The following TANC1 variants were observed in gnomAD, a reference collection of about 807,000 sequenced individuals.
TANC1 encodes tetratricopeptide repeat, ankyrin repeat and coiled-coil containing 1, also known as protein TANC1.
In TANC1, 77 loss-of-function variants were observed where a neutral mutation model predicts 149.7. That is an observed-to-expected ratio of 0.51 (90% confidence interval 0.43 to 0.62). The LOEUF (loss-of-function observed/expected upper bound fraction) is 0.62. TANC1 is among the 20% of genes least tolerant of loss of function. The pLI is 0.00. For missense variants in TANC1, 1,985 were observed against 2,321.8 expected (o/e 0.85, Z 2.98); for synonymous variants, 854 against 925.0 (o/e 0.92, Z 1.39).
chr2:159,125,559 C>T (rs889333359), intron 4 of TANC1, among the ~76,000 whole-genome samples: 1 of 147,936 alleles, frequency 6.8e-6, no homozygotes, highest in African/African-American at 2.5e-5. Flanking sequence ...GGACTGAGGT[C>T]CCCATTCCTT....
chr2:159,049,511 C>T lies in TANC1; in HGVS notation c.-15-16385C>T, dbSNP rs558734547. On this transcript the variant is annotated intron_variant, in intron 2 of 26. Coordinates refer to ENST00000263635, the MANE Select transcript of TANC1 (RefSeq NM_033394.3). ...TAGCTGTACCCCAGACCTAAAGAACCGTCCAGGGTGGGGTCCAGCAGCCTG... is the reference window on the plus strand; with the variant it reads ...TAGCTGTACCCCAGACCTAAAGAACTGTCCAGGGTGGGGTCCAGCAGCCTG... Among the ~76,000 whole-genome samples, 12 of 152,264 alleles carry T rather than the reference C, an allele frequency of 7.9e-5. 1 individual carries two copies. The highest frequency in any genetic ancestry group is 6.8e-3 in the Middle Eastern group (2 of 294).
intron 3 of TANC1, among the ~76,000 whole-genome samples, chr2:159,086,191 T>C (rs2044829893): frequency 6.6e-6 from 1 of 151,764 alleles, no homozygotes. Flanking sequence ...TTCTCTGTTA[T>C]TATAAATTAA....
chr2:158,981,488 C>A (rs1296336982), intron 1 of TANC1, among the ~76,000 whole-genome samples: 1 of 75,678 alleles, frequency 1.3e-5, no homozygotes, highest in Admixed American at 1.6e-4. Context: ...TAATATATAG[C>A]TTTTATATAT....
chr2:158,968,933 C>T (rs2032373509), intron 1 of TANC1, among the ~76,000 whole-genome samples, 151 bp downstream of exon 1: 1 of 152,102 alleles, frequency 6.6e-6, no homozygotes, highest in Admixed American at 6.5e-5. Context: ...AGCGCCCCCT[C>T]CTCCGCCGGG....
intron 7 of TANC1, among the ~76,000 whole-genome samples, chr2:159,156,248 A>G (rs2053421233): frequency 6.6e-6 from 1 of 152,240 alleles, no homozygotes; most frequent in Non-Finnish European, 1.5e-5. Context: ...CGTTGCCTGC[A>G]ATTTTTAAAA....
At chr2:158,999,281 A>G (rs1158659101) in intron 1 of TANC1, among the ~76,000 whole-genome samples, 1 of 152,168 alleles carries the variant, frequency 6.6e-6, no homozygotes, top group Non-Finnish European at 1.5e-5. Context: ...TATAAATTAA[A>G]TAGTCCTAAA....
chr2:159,128,054 G>A (rs968835244), intron 4 of TANC1, among the ~76,000 whole-genome samples: 1 of 152,192 alleles, frequency 6.6e-6, no homozygotes, highest in African/African-American at 2.4e-5. Flanking sequence ...AGTGGTGTTA[G>A]GTGACTTTTG....
At chr2:159,119,139 A>C (rs1390131596) in intron 4 of TANC1, among the ~76,000 whole-genome samples, 1 of 152,208 alleles carries the variant, frequency 6.6e-6, no homozygotes, top group African/African-American at 2.4e-5. Context: ...CAGTTATTTT[A>C]ATATTCATTC....
At chr2:159,142,797 C>T (rs1488660154) in intron 5 of TANC1, among the ~76,000 whole-genome samples, 1 of 151,022 alleles carries the variant, frequency 6.6e-6, no homozygotes, top group East Asian at 1.9e-4. Flanking sequence ...GGCACGATGG[C>T]TGACACCTGT....
intron 4 of TANC1, among the ~76,000 whole-genome samples, chr2:159,122,674 G>T (rs2048976477): frequency 1.3e-5 from 2 of 151,942 alleles, no homozygotes; most frequent in Admixed American, 1.3e-4. Flanking sequence ...TTAGAATTGT[G>T]TATAACCTTT....
chr2:158,977,389 T>C (rs1163037709), intron 1 of TANC1, among the ~76,000 whole-genome samples: 1 of 151,992 alleles, frequency 6.6e-6, no homozygotes, highest in Non-Finnish European at 1.5e-5. Flanking sequence ...CAGCTCACCA[T>C]AGCCTCTGCC....
chr2:159,227,887 C>T lies in TANC1; in HGVS notation c.3972C>T (p.Phe1324=). 1.9e-6 allele frequency: 3 copies of T among 1,614,094 alleles called. No homozygotes were observed. The highest frequency in any genetic ancestry group is 2.5e-6 in the Non-Finnish European group (3 of 1,179,966). ...TAAGAAAGTTTCCTCGAGAAGGATT[C>T]GGAGAGGACATGAGACCCTTCAATG... ...YALRKFPREG[F]GEDMRPFNEL... is the part of the protein sequence containing the mutation. Residue 1324 remains phenylalanine (F), a synonymous_variant, in exon 25 of 27, where the codon TTC becomes TTT. Transcript: ENST00000263635.
At chr2:158,985,997 G>C (rs1392570227) in intron 1 of TANC1, among the ~76,000 whole-genome samples, 1 of 152,180 alleles carries the variant, frequency 6.6e-6, no homozygotes, top group Middle Eastern at 3.2e-3. Flanking sequence ...AAACTGGCCT[G>C]TTTGGAGATT....
chr2:159,205,632 T>C (rs972975775), intron 19 of TANC1, among the ~76,000 whole-genome samples: 10 of 152,236 alleles, frequency 6.6e-5, no homozygotes, highest in Admixed American at 1.3e-4. Context: ...TACCATATAG[T>C]CTAGGCATGT....
At chr2:159,162,707 G>T (rs1350528191) in intron 7 of TANC1, among the ~76,000 whole-genome samples, 1 of 152,144 alleles carries the variant, frequency 6.6e-6, no homozygotes, top group Non-Finnish European at 1.5e-5. Context: ...TCCATTTCGT[G>T]TTGCTGAGGA....
At chr2:159,133,887 A>G (rs1285465909) in intron 4 of TANC1, among the ~76,000 whole-genome samples, 1 of 152,226 alleles carries the variant, frequency 6.6e-6, no homozygotes, top group Non-Finnish European at 1.5e-5. Flanking sequence ...AGCTTATTTG[A>G]TAACAGTCTA....
Position 159,175,129 on chromosome 2 carries a change from C to G in TANC1, c.1680C>G (p.Asp560Glu), listed in dbSNP as rs1356170285. 1.2e-6 allele frequency: 2 copies of G among 1,614,166 alleles called. No individual in the cohort carries two copies. The highest frequency in any genetic ancestry group is 1.7e-6 in the Non-Finnish European group (2 of 1,180,026). ...SMLSLRSCVQ[D>E]PVAAFKRGVL... ...TGAGCCTCCGATCCTGTGTGCAGGA[C>G]CCGGTGGCAGCTTTCAAGAGGGGAG... The change falls in exon 12 of 27, where the codon GAC becomes GAG. Residue 560 changes from aspartate (D) to glutamate (E), a missense_variant. By Grantham distance (45) the Asp-to-Glu change is conservative. Around this residue, in one of 3 missense-constraint regions of TANC1, gnomAD observed 508 missense variants for 714.2 expected, o/e 0.71. Coordinates refer to ENST00000263635, the MANE Select transcript of TANC1 (RefSeq NM_033394.3).
At position 159,131,676 on chromosome 2, in the gene TANC1, T is replaced by G. The variant is rs534724831; in HGVS notation, c.260-4518T>G. Among the ~76,000 whole-genome samples, 56 of 152,336 alleles carry G rather than the reference T, an allele frequency of 3.7e-4. 1 individual carries two copies. Among genetic ancestry groups the G allele is most frequent in the Admixed American group, 1.8e-3 (27 of 15,308 alleles). ...TTTAATCTTTTTGCTACAACTTTAA[T>G]GGTGTTTTGAGAGGGAGTGGAGGCA... On this transcript the variant is annotated intron_variant, in intron 4 of 26. Coordinates refer to ENST00000263635, the MANE Select transcript of TANC1 (RefSeq NM_033394.3).
chr2:159,068,058 C>G (rs2042817463), intron 3 of TANC1, among the ~76,000 whole-genome samples: 1 of 152,172 alleles, frequency 6.6e-6, no homozygotes, highest in Non-Finnish European at 1.5e-5. Context: ...GAACGTTTCC[C>G]ATAAAATATC....
Sources: gnomAD v4.1 joint callset for allele counts (sites outside exome capture counted in the v4.1 genomes callset) on GRCh38, gnomAD v4.1.1 for gene constraint, gnomAD v4.1.1 regional missense constraint, MANE v1.5 for transcripts, NCBI Gene and HGNC (gene_info 2026-07-23, HGNC 2026-07-21) for gene names.